Variants in LDLRAD3 observed in about 807,000 individuals in gnomAD.
The protein encoded by LDLRAD3 is low-density lipoprotein receptor class A domain-containing protein 3.
LDLRAD3 carries 20 observed loss-of-function variants against 29.4 expected under a neutral mutation model. That is an observed-to-expected ratio of 0.68 (90% CI 0.48 to 0.99). LDLRAD3 has a LOEUF of 0.99. LDLRAD3 is among the 50% of genes least tolerant of loss of function. The probability of loss-of-function intolerance (pLI) is 0.00; values close to 1 mark genes in which losing one functional copy is unlikely to be tolerated. For synonymous variants in LDLRAD3, 157 were observed against 192.7 expected (o/e 0.81, Z 1.53); for missense variants, 420 against 454.3 (o/e 0.92, Z 0.69).
chr11:35,949,192 C>T (rs1023741140), intron 1 of LDLRAD3, among the ~76,000 whole-genome samples: 1 of 152,190 alleles, frequency 6.6e-6, no homozygotes, highest in African/African-American at 2.4e-5. Flanking sequence ...CAGCACTGAC[C>T]CTTTCCCTCT....
At position 36,191,576 on chromosome 11, in the gene LDLRAD3, CTA is replaced by C. The variant is rs71310173; in HGVS notation, c.455-35486_455-35485del. On this transcript the variant is annotated intron_variant, in intron 4 of 5. Coordinates refer to ENST00000315571, the MANE Select transcript of LDLRAD3 (RefSeq NM_174902.4). The stretch of plus-strand genomic sequence containing the variant: ...TCTCTCTCTCTCTCTCTCTCTCTCT[CTA>C]TATATATATATATATATATATACAC... Among the ~76,000 whole-genome samples, 261 of 53,396 alleles carry C rather than the reference CTA, an allele frequency of 4.9e-3. 3 individuals are homozygous for C. Among genetic ancestry groups the C allele is most frequent in the Middle Eastern group, 0.012 (1 of 86 alleles). The allele number at this position is 53,396 out of a possible 152,430, so 35.0% of individuals were successfully genotyped here.
chr11:36,229,536 T>C lies in LDLRAD3; in HGVS notation c.*139T>C, dbSNP rs983368878. The C allele has an allele frequency of 1.1e-5, 7 of 642,116 alleles. No homozygotes were observed. The highest frequency in any genetic ancestry group is 1.8e-5 in the African/African-American group (1 of 55,642). The allele number at this position is 642,116 out of a possible 1,614,324, so 39.8% of individuals were successfully genotyped here. A position where few individuals can be genotyped will look rare whatever the true frequency, so the allele number is the denominator to read the frequency against. On this transcript the variant is annotated 3_prime_UTR_variant, in exon 6 of 6. Coordinates refer to ENST00000315571, the MANE Select transcript of LDLRAD3 (RefSeq NM_174902.4). Reference sequence around the variant, plus strand: ...GTTTGGGATATTAACTATCTCTGCATTCCCCTCCTCCCCCAGACTTCAGAG... The same window carrying C: ...GTTTGGGATATTAACTATCTCTGCACTCCCCTCCTCCCCCAGACTTCAGAG...
In LDLRAD3 at chr11:36,229,881, G is replaced by T. The variant is rs1855553453; in HGVS notation, c.*484G>T. 1 of 155,886 alleles carries T rather than the reference G, an allele frequency of 6.4e-6. No individual in the cohort carries two copies. The highest frequency in any genetic ancestry group is 6.3e-5 in the Admixed American group (1 of 15,866). 9.7% of individuals were successfully genotyped at this position (155,886 alleles called of 1,614,324 possible). A position where few individuals can be genotyped will look rare whatever the true frequency, so the allele number is the denominator to read the frequency against. On this transcript the variant is annotated 3_prime_UTR_variant, in exon 6 of 6. Coordinates refer to ENST00000315571, the MANE Select transcript of LDLRAD3 (RefSeq NM_174902.4). The stretch of plus-strand genomic sequence containing the variant: ...ACCCCCCCAAAAAAATTCCATTTGA[G>T]CATCAAAACCTGCTTTGCACAATCC...
At chr11:35,993,689 T>C (rs1851717174) in intron 1 of LDLRAD3, among the ~76,000 whole-genome samples, 1 of 151,084 alleles carries the variant, frequency 6.6e-6, no homozygotes. Context: ...GAATTTTTAC[T>C]GGAGTAAATG....
At chr11:36,144,943 C>T (rs1854156492) in intron 4 of LDLRAD3, among the ~76,000 whole-genome samples, 2 of 105,458 alleles carry the variant, frequency 1.9e-5, no homozygotes, top group Non-Finnish European at 4.1e-5. Flanking sequence ...GTGAGGAGCC[C>T]CTCTGCCCGG....
chr11:36,061,608 G>A (rs1261401234), intron 2 of LDLRAD3, among the ~76,000 whole-genome samples: 1 of 152,184 alleles, frequency 6.6e-6, no homozygotes, highest in East Asian at 1.9e-4. Context: ...ATGATAGGCT[G>A]TCATCATGCC....
At chr11:35,961,470 C>T (rs897991825) in intron 1 of LDLRAD3, among the ~76,000 whole-genome samples, 1 of 152,182 alleles carries the variant, frequency 6.6e-6, no homozygotes, top group African/African-American at 2.4e-5. Flanking sequence ...TTAATAGCAG[C>T]CTCACAGCAT....
chr11:36,205,333 G>C (rs1298353395), intron 4 of LDLRAD3, among the ~76,000 whole-genome samples: 1 of 152,050 alleles, frequency 6.6e-6, no homozygotes, highest in African/African-American at 2.4e-5. Flanking sequence ...GGCTCTTTTC[G>C]TGCTCCCCTC....
At chr11:36,003,167 G>A (rs919232415) in intron 1 of LDLRAD3, among the ~76,000 whole-genome samples, 3 of 152,300 alleles carry the variant, frequency 2.0e-5, no homozygotes, top group Non-Finnish European at 2.9e-5. Flanking sequence ...AGGGTGATCT[G>A]GCTGTGACAG....
intron 1 of LDLRAD3, among the ~76,000 whole-genome samples, chr11:36,025,322 C>A (rs980803046): frequency 5.9e-5 from 9 of 151,580 alleles, no homozygotes; most frequent in African/African-American, 2.2e-4. Context: ...CCAAGAATAG[C>A]ACAAATCCCG....
intron 2 of LDLRAD3, among the ~76,000 whole-genome samples, chr11:36,060,602 C>G (rs1305414989): frequency 6.6e-6 from 1 of 152,132 alleles, no homozygotes; most frequent in African/African-American, 2.4e-5. Context: ...AATTTTGTAA[C>G]TGACTCACAT....
At chr11:36,133,693 C>T (rs1214036937) in intron 4 of LDLRAD3, among the ~76,000 whole-genome samples, 1 of 151,702 alleles carries the variant, frequency 6.6e-6, no homozygotes. Context: ...GCCACCACGC[C>T]TGGCTAATTT....
At chr11:36,019,758 G>C (rs577890807) in intron 1 of LDLRAD3, among the ~76,000 whole-genome samples, 1 of 152,246 alleles carries the variant, frequency 6.6e-6, no homozygotes, top group African/African-American at 2.4e-5. Context: ...AGAAACAAAG[G>C]CCAAAGTTAG....
chr11:36,230,865 T>C lies in LDLRAD3; in HGVS notation c.*1468T>C, dbSNP rs1337277286. On this transcript the variant is annotated 3_prime_UTR_variant, in exon 6 of 6. Coordinates refer to ENST00000315571, the MANE Select transcript of LDLRAD3 (RefSeq NM_174902.4). ...CAGACATTTGTGCATTGTTGCACTT[T>C]GAGGTTATTATTTATCAAGTTCTTG... is the stretch of plus-strand genomic sequence containing the variant. The C allele has an allele frequency of 6.6e-6, 1 of 152,600 alleles. No homozygotes were observed. The highest frequency in any genetic ancestry group is 1.9e-4 in the East Asian group (1 of 5,200). The allele number at this position is 152,600 out of a possible 1,614,324, so 9.5% of individuals were successfully genotyped here.
chr11:36,130,687 C>T (rs1204784775), intron 4 of LDLRAD3, among the ~76,000 whole-genome samples: 1 of 152,240 alleles, frequency 6.6e-6, no homozygotes, highest in Non-Finnish European at 1.5e-5. Flanking sequence ...CATCAAGGCA[C>T]TATGTTAATG....
Position 36,070,658 on chromosome 11 carries a change from C to T in LDLRAD3, c.194-10995C>T, listed in dbSNP as rs1453071876. ...AGAATCGGTCAGAGCAGGATGTTCACATTTTAGTGCCCATTGAGATCCTTA... is the reference window on the plus strand; with the variant it reads ...AGAATCGGTCAGAGCAGGATGTTCATATTTTAGTGCCCATTGAGATCCTTA... On this transcript the variant is annotated intron_variant, in intron 2 of 5. Coordinates refer to ENST00000315571, the MANE Select transcript of LDLRAD3 (RefSeq NM_174902.4). 2.0e-5 allele frequency among the ~76,000 whole-genome samples: 3 copies of T among 152,298 alleles called. No individual in the cohort carries two copies. The East Asian group carries it at 5.8e-4, about 29-fold the overall frequency.
chr11:36,215,181 C>T (rs951097072), intron 4 of LDLRAD3, among the ~76,000 whole-genome samples: 1 of 152,092 alleles, frequency 6.6e-6, no homozygotes. Flanking sequence ...GTTCCAGAAC[C>T]ACATCAAGGA....
intron 3 of LDLRAD3, among the ~76,000 whole-genome samples, chr11:36,097,073 G>A (rs1361301542): frequency 6.6e-6 from 1 of 152,118 alleles, no homozygotes; most frequent in African/African-American, 2.4e-5. Context: ...TGCTGACCTT[G>A]TACTGGCCAG....
chr11:35,949,062 T>C (rs1418129269), intron 1 of LDLRAD3, among the ~76,000 whole-genome samples: 1 of 152,120 alleles, frequency 6.6e-6, no homozygotes, highest in African/African-American at 2.4e-5. Flanking sequence ...ATCCTGAGTG[T>C]GTCTTCTGGA....
Sources: allele counts gnomAD v4.1 joint callset (sites outside exome capture counted in the v4.1 genomes callset), GRCh38; gene constraint gnomAD v4.1.1; transcripts MANE v1.5; gene names NCBI Gene and HGNC (gene_info 2026-07-23, HGNC 2026-07-21).